MGAM2: variants seen among roughly 807,000 people sequenced by gnomAD.
The protein encoded by MGAM2 is maltase-glucoamylase 2 (putative).
In MGAM2, 98 loss-of-function variants were observed where a neutral mutation model predicts 96.1. The observed-to-expected ratio is 1.02, with a 90% CI of 0.87 to 1.21. The LOEUF is 1.21. Ranked by LOEUF, MGAM2 falls within the 50% of genes most tolerant of loss-of-function variation. MGAM2 has a pLI of 0.00. For missense variants in MGAM2, 2,055 were observed against 1,182.4 expected (o/e 1.74, Z -10.82); for synonymous variants, 749 against 414.8 (o/e 1.81, Z -9.79).
Position 142,220,860 on chromosome 7 carries a change from A to G in MGAM2, c.6349A>G (p.Thr2117Ala), listed in dbSNP as rs1342166715. 1.4e-6 allele frequency: 1 copy of G among 702,136 alleles called. No individual in the cohort carries two copies. Among genetic ancestry groups the G allele is most frequent in the East Asian group, 2.7e-5 (1 of 37,256 alleles). 43.5% of individuals were successfully genotyped at this position (702,136 alleles called of 1,614,324 possible). Residue 2117 changes from threonine to alanine, a missense_variant, in exon 48 of 48, where the codon ACT (threonine) becomes GCT (alanine). Coordinates refer to ENST00000477922, the MANE Select transcript of MGAM2 (RefSeq NM_001293626.2). ...TSTADATIST[T>A]VLIATTSSLT... Reference sequence around the variant, plus strand: ...TACTGCTGATGCCACCATTAGTACTACTGTACTTATTGCCACTACTTCTTC... The same window carrying G: ...TACTGCTGATGCCACCATTAGTACTGCTGTACTTATTGCCACTACTTCTTC...
intron 14 of MGAM2, among the ~76,000 whole-genome samples, chr7:142,145,945 C>T (rs1405551561): frequency 6.6e-6 from 1 of 152,064 alleles, no homozygotes; most frequent in East Asian, 1.9e-4. Flanking sequence ...TCTGATTTGC[C>T]CACTTTACTT....
At position 142,189,418 on chromosome 7, in the gene MGAM2, G is replaced by T; in HGVS notation, c.4259G>T (p.Ser1420Ile). The change falls in exon 37 of 48, where the codon AGT becomes ATT. Residue 1420 changes from serine (S) to isoleucine (I), a missense_variant. By Grantham distance (142) the Ser-to-Ile change is moderately radical. Transcript: ENST00000477922. ...AGCAGCAAGACTCTGTGCATGGAGAGTCAGCAGATCCTGCCGGACAGCTCC... is the reference window on the plus strand; with the variant it reads ...AGCAGCAAGACTCTGTGCATGGAGATTCAGCAGATCCTGCCGGACAGCTCC... ...GLSSKTLCME[S>I]QQILPDSSPV... The T allele has an allele frequency of 1.4e-6, 1 of 733,554 alleles. No homozygotes were observed. 45.4% of individuals were successfully genotyped at this position (733,554 alleles called of 1,614,324 possible). A position where few individuals can be genotyped will look rare whatever the true frequency, so the allele number is the denominator to read the frequency against.
At chr7:142,213,281 C>A (rs3020840) in intron 46 of MGAM2, among the ~76,000 whole-genome samples, 67,239 of 151,748 alleles carry the variant, frequency 0.44, 15,136 homozygotes, top group East Asian at 0.65. Context: ...CAAGGGCAAA[C>A]AAGTTCAAAA....
chr7:142,114,216 G>GAAAGAGAGAA (rs1554499599), intron 1 of MGAM2, among the ~76,000 whole-genome samples: 1,376 of 67,304 alleles, frequency 0.02, 24 homozygotes, highest in Middle Eastern at 0.038. Flanking sequence ...GAAAGAAAGA[G>GAAAGAGAGAA]AGAAAGAAAG....
chr7:142,147,742 G>A (rs1413763721), intron 15 of MGAM2, among the ~76,000 whole-genome samples, 169 bp downstream of exon 15: 1 of 152,142 alleles, frequency 6.6e-6, no homozygotes, highest in Non-Finnish European at 1.5e-5. Context: ...TATACACCCT[G>A]GTTTCTGTAC....
At chr7:142,125,528 C>T (rs1794706803) in intron 3 of MGAM2, among the ~76,000 whole-genome samples, 1 of 152,066 alleles carries the variant, frequency 6.6e-6, no homozygotes, top group African/African-American at 2.4e-5. Flanking sequence ...ATCTACAGGC[C>T]ACCCAGACCC....
At chr7:142,135,336 C>T (rs893987437) in intron 7 of MGAM2, among the ~76,000 whole-genome samples, 3 of 152,172 alleles carry the variant, frequency 2.0e-5, no homozygotes, top group Admixed American at 6.5e-5. Flanking sequence ...AATCGTACTA[C>T]GTTTGACTTT....
At chr7:142,171,499 C>A in intron 28 of MGAM2, 59 bp downstream of exon 28, 1 of 678,766 alleles carries the variant, frequency 1.5e-6, no homozygotes, top group Admixed American at 2.1e-5. Flanking sequence ...CTCTTTTAAT[C>A]CTTATGCTTA....
chr7:142,200,812 A>T (rs1797199219), intron 45 of MGAM2, among the ~76,000 whole-genome samples: 1 of 152,168 alleles, frequency 6.6e-6, no homozygotes, highest in Admixed American at 6.5e-5. Flanking sequence ...TTAGAAAAAA[A>T]TACAAGCACT....
At chr7:142,117,634 G>C (rs1034744084) in intron 2 of MGAM2, among the ~76,000 whole-genome samples, 1 of 152,162 alleles carries the variant, frequency 6.6e-6, no homozygotes, top group African/African-American at 2.4e-5. Flanking sequence ...AAGCTGTCCT[G>C]ATGGCAGAAC....
intron 27 of MGAM2, among the ~76,000 whole-genome samples, chr7:142,170,565 G>T (rs1796156025): frequency 6.6e-6 from 1 of 152,098 alleles, no homozygotes; most frequent in Non-Finnish European, 1.5e-5. Flanking sequence ...GTCTCATTAA[G>T]AAATAATAAG....
chr7:142,213,864 A>T (rs1032828209), intron 46 of MGAM2, among the ~76,000 whole-genome samples: 1 of 152,220 alleles, frequency 6.6e-6, no homozygotes, highest in African/African-American at 2.4e-5. Flanking sequence ...CACAATAAAA[A>T]AAGAAAATTT....
intron 37 of MGAM2, among the ~76,000 whole-genome samples, chr7:142,191,821 C>G (rs1320101651): frequency 1.3e-5 from 2 of 152,084 alleles, no homozygotes; most frequent in African/African-American, 2.4e-5. Context: ...ACCATGTTAA[C>G]AATATTAAGT....
rs1563282143 is a variant in MGAM2 at position 142,185,072 on chromosome 7, T to C, written c.3925-5T>C. 3 of 702,890 alleles carry C rather than the reference T, an allele frequency of 4.3e-6. No individual in the cohort carries two copies. Among genetic ancestry groups the C allele is most frequent in the Non-Finnish European group, 5.2e-6 (2 of 384,906 alleles). The allele number at this position is 702,890 out of a possible 1,614,324, so 43.5% of individuals were successfully genotyped here. On this transcript the variant is annotated splice_region_variant and splice_polypyrimidine_tract_variant and intron_variant, in intron 33 of 47. Coordinates refer to ENST00000477922, the MANE Select transcript of MGAM2 (RefSeq NM_001293626.2). ...AAGGTTTTAATTGCCCTTCTTTTTCTCTAGGTTTGGCCAGATCTGCCTAAT... is the reference window on the plus strand; with the variant it reads ...AAGGTTTTAATTGCCCTTCTTTTTCCCTAGGTTTGGCCAGATCTGCCTAAT...
intron 32 of MGAM2, among the ~76,000 whole-genome samples, chr7:142,179,165 A>G (rs1293931019): frequency 6.6e-6 from 1 of 152,116 alleles, no homozygotes; most frequent in East Asian, 1.9e-4. Context: ...CTTGAACGTT[A>G]TTGATGTATA....
At chr7:142,168,903 A>G (rs1184133279) in intron 26 of MGAM2, among the ~76,000 whole-genome samples, 1 of 152,188 alleles carries the variant, frequency 6.6e-6, no homozygotes, top group African/African-American at 2.4e-5. Flanking sequence ...AGACTAGCCC[A>G]TGTCAGGCAC....
chr7:142,143,641 T>C (rs1445266888), intron 12 of MGAM2, 128 bp from the exon 13 acceptor site: 1 of 450,500 alleles, frequency 2.2e-6, no homozygotes, highest in Non-Finnish European at 4.0e-6. Flanking sequence ...TTAGTTTTTG[T>C]TGGGGTAGTC....
Position 142,190,781 on chromosome 7 carries a change from A to G in MGAM2, c.4346+1276A>G, listed in dbSNP as rs548186698. On this transcript the variant is annotated intron_variant, in intron 37 of 47. Coordinates refer to ENST00000477922, the MANE Select transcript of MGAM2 (RefSeq NM_001293626.2). The stretch of plus-strand genomic sequence containing the variant: ...TTCATATGCTATTGGCTATTTGTAT[A>G]TATTCAAATATCTATTCAAATCCTT... Among the ~76,000 whole-genome samples the G allele has an allele frequency of 1.5e-4, 23 of 152,268 alleles. No individual in the cohort carries two copies. The East Asian group carries it at 2.3e-3, about 15-fold the overall frequency.
chr7:142,212,133 T>C (rs73158479), intron 46 of MGAM2, among the ~76,000 whole-genome samples: 120 of 152,226 alleles, frequency 7.9e-4, no homozygotes, highest in Admixed American at 1.6e-3. Context: ...TTACAAGCAA[T>C]CCATTTACAA....
Sources: gnomAD v4.1 joint callset for allele counts (sites outside exome capture counted in the v4.1 genomes callset) on GRCh38, gnomAD v4.1.1 for gene constraint, MANE v1.5 for transcripts, NCBI Gene and HGNC (gene_info 2026-07-23, HGNC 2026-07-21) for gene names.